SPIN1: variants seen among roughly 807,000 people sequenced by gnomAD.
SPIN1 encodes spindlin 1.
Under a neutral mutation model 26.0 loss-of-function variants are expected in SPIN1, and 3 were observed. That is an observed-to-expected ratio of 0.12 (90% CI 0.05 to 0.30). SPIN1 has a LOEUF of 0.30. Ranked by LOEUF, SPIN1 falls within the 10% of genes least tolerant of loss-of-function variation. The probability of loss-of-function intolerance (pLI) is 1.00; values close to 1 mark genes in which losing one functional copy is unlikely to be tolerated. For missense variants in SPIN1, 126 were observed against 333.4 expected (o/e 0.38, Z 4.84); for synonymous variants, 101 against 116.5 (o/e 0.87, Z 0.86).
At chr9:88,451,550 TG>T (rs1021147226) in intron 3 of SPIN1, among the ~76,000 whole-genome samples, 13 of 152,256 alleles carry the variant, frequency 8.5e-5, no homozygotes, top group African/African-American at 3.1e-4. Context: ...AAAGTACGTC[TG>T]TTTTTTTGTT....
rs544982071 is a variant in SPIN1 at position 88,473,015 on chromosome 9, A to T, written c.590-2063A>T. Among the ~76,000 whole-genome samples, 476 of 152,208 alleles carry T rather than the reference A, an allele frequency of 3.1e-3. 6 individuals are homozygous for T. Among genetic ancestry groups the T allele is most frequent in the Middle Eastern group, 6.8e-3 (2 of 294 alleles). On this transcript the variant is annotated intron_variant, in intron 5 of 5. Coordinates refer to ENST00000375859, the MANE Select transcript of SPIN1 (RefSeq NM_006717.3). The stretch of plus-strand genomic sequence containing the variant: ...GTCAGTCATCTTTATTTCTTTTTTT[A>T]AAAAAATTCTTCCTATGAATAAGTT...
At chr9:88,458,960 G>C (rs1271257058) in intron 3 of SPIN1, among the ~76,000 whole-genome samples, 2 of 152,198 alleles carry the variant, frequency 1.3e-5, no homozygotes, top group Non-Finnish European at 2.9e-5. Context: ...TGCTTTCACA[G>C]AGACATCTAG....
intron 1 of SPIN1, among the ~76,000 whole-genome samples, chr9:88,419,514 A>G (rs576583861): frequency 3.3e-5 from 5 of 152,308 alleles, no homozygotes; most frequent in East Asian, 1.9e-4. Context: ...CTGAGAAGAA[A>G]AAAAAGAAAA....
At chr9:88,397,089 C>T (rs750631313) in intron 1 of SPIN1, among the ~76,000 whole-genome samples, 7 of 151,930 alleles carry the variant, frequency 4.6e-5, no homozygotes, top group Non-Finnish European at 7.4e-5. Flanking sequence ...TGTACACTAC[C>T]GTAGACTGTA....
chr9:88,389,534 A>G (rs1393053481), intron 1 of SPIN1: 7 of 152,118 alleles, frequency 4.6e-5, no homozygotes, highest in South Asian at 2.1e-4. Flanking sequence ...TGTGTTTTGG[A>G]GAGATTTTCC....
intron 2 of SPIN1, among the ~76,000 whole-genome samples, chr9:88,427,472 G>T (rs926785214): frequency 1.3e-5 from 2 of 152,094 alleles, no homozygotes; most frequent in Admixed American, 1.3e-4. Flanking sequence ...GATGACTGAA[G>T]TTTAAGGTAT....
intron 2 of SPIN1, among the ~76,000 whole-genome samples, chr9:88,430,431 A>T (rs553355708): frequency 6.6e-6 from 1 of 152,278 alleles, no homozygotes; most frequent in South Asian, 2.1e-4. Context: ...CTATTCATTG[A>T]GGCAGTCACA....
At chr9:88,449,505 G>A (rs1249634057) in intron 3 of SPIN1, among the ~76,000 whole-genome samples, 1 of 152,152 alleles carries the variant, frequency 6.6e-6, no homozygotes, top group African/African-American at 2.4e-5. Flanking sequence ...TAATGCAATA[G>A]CCATCTACGT....
intron 1 of SPIN1, among the ~76,000 whole-genome samples, chr9:88,413,636 C>T (rs12349632): frequency 0.19 from 29,197 of 151,980 alleles, 3,699 homozygotes; most frequent in African/African-American, 0.36. Flanking sequence ...GCCTTGGCCT[C>T]CTAACATGTT....
chr9:88,407,783 C>CA (rs1303604264), intron 1 of SPIN1, among the ~76,000 whole-genome samples: 2 of 140,204 alleles, frequency 1.4e-5, no homozygotes, highest in Admixed American at 1.5e-4. Flanking sequence ...TTTTTTGAGA[C>CA]AGAGTCTTGC....
intron 1 of SPIN1, among the ~76,000 whole-genome samples, chr9:88,413,885 C>T (rs1360944092): frequency 6.6e-6 from 1 of 152,152 alleles, no homozygotes; most frequent in East Asian, 1.9e-4. Context: ...ACTTTGGATA[C>T]CAGCTGCAAA....
intron 2 of SPIN1, among the ~76,000 whole-genome samples, chr9:88,439,875 T>TC (rs1828083377): frequency 6.6e-6 from 1 of 152,222 alleles, no homozygotes. Flanking sequence ...TCTTTATAGT[T>TC]AAAGTGGATT....
At chr9:88,390,164 T>C (rs1826888281) in intron 1 of SPIN1, among the ~76,000 whole-genome samples, 1 of 152,206 alleles carries the variant, frequency 6.6e-6, no homozygotes, top group South Asian at 2.1e-4. Flanking sequence ...AGGGCCACTA[T>C]ATGTCTTCAG....
intron 1 of SPIN1, among the ~76,000 whole-genome samples, chr9:88,407,670 G>A (rs1422224144): frequency 1.3e-5 from 2 of 150,996 alleles, no homozygotes; most frequent in African/African-American, 4.9e-5. Flanking sequence ...TTAAAAAAAA[G>A]CTATTGAATT....
intron 1 of SPIN1, chr9:88,411,123 C>T: frequency 6.6e-7 from 1 of 1,514,934 alleles, no homozygotes; most frequent in South Asian, 1.1e-5. Flanking sequence ...TTAGTGTCTT[C>T]TTTAATGCCA....
At chr9:88,443,129 AAAAAAC>A (rs1288946148) in intron 2 of SPIN1, among the ~76,000 whole-genome samples, 8 of 151,764 alleles carry the variant, frequency 5.3e-5, no homozygotes, top group African/African-American at 1.9e-4. Flanking sequence ...CAAAAAAAAA[AAAAAAC>A]AAAAAAAAAC....
intron 3 of SPIN1, 85 bp downstream of exon 3, chr9:88,449,074 C>G: frequency 1.5e-6 from 2 of 1,327,492 alleles, no homozygotes; most frequent in Non-Finnish European, 2.2e-6. Context: ...AAGGCCTCCT[C>G]CCCTGTGATC....
At chr9:88,407,737 A>G (rs1827339438) in intron 1 of SPIN1, among the ~76,000 whole-genome samples, 1 of 151,346 alleles carries the variant, frequency 6.6e-6, no homozygotes, top group Admixed American at 6.6e-5. Context: ...AGTTTTAAAA[A>G]TCACTCCTAT....
intron 1 of SPIN1, among the ~76,000 whole-genome samples, chr9:88,405,959 A>G (rs1827296156): frequency 6.6e-6 from 1 of 151,318 alleles, no homozygotes; most frequent in Non-Finnish European, 1.5e-5. Flanking sequence ...CAATCTCCCT[A>G]GTAATTGTGA....
Sources: allele counts gnomAD v4.1 joint callset (sites outside exome capture counted in the v4.1 genomes callset), GRCh38; gene constraint gnomAD v4.1.1; transcripts MANE v1.5; gene names NCBI Gene and HGNC (gene_info 2026-07-23, HGNC 2026-07-21).